Variants in SP100 observed in about 807,000 individuals in gnomAD.
SP100 encodes SP100 nuclear body protein.
In SP100, 84 loss-of-function variants were observed where a neutral mutation model predicts 130.0. The observed-to-expected ratio is 0.65, with a 90% CI of 0.54 to 0.77. The LOEUF (loss-of-function observed/expected upper bound fraction) is 0.77, where lower values mean the gene tolerates loss of function less well. SP100 is among the 30% of genes least tolerant of loss of function. The pLI, the probability that SP100 is intolerant of heterozygous loss-of-function variation, is 0.00. For missense variants in SP100, 978 were observed against 1,052.2 expected (o/e 0.93, Z 0.97); for synonymous variants, 331 against 351.7 (o/e 0.94, Z 0.66).
At chr2:230,485,630 G>T (rs2066043783) in intron 17 of SP100, among the ~76,000 whole-genome samples, 1 of 151,934 alleles carries the variant, frequency 6.6e-6, no homozygotes, top group Non-Finnish European at 1.5e-5. Flanking sequence ...GAATTACATG[G>T]TCCCTGATTT....
chr2:230,499,433 A>C (rs2066880453), intron 19 of SP100, among the ~76,000 whole-genome samples: 2 of 49,506 alleles, frequency 4.0e-5, no homozygotes, highest in Admixed American at 2.9e-4. Flanking sequence ...TTTAACACCT[A>C]AAACTCTTTC....
In SP100 at chr2:230,446,257, C is replaced by G. The variant is rs899371779; in HGVS notation, c.440-562C>G. Among the ~76,000 whole-genome samples the G allele has an allele frequency of 2.0e-5, 3 of 152,240 alleles. No individual in the cohort carries two copies. The East Asian group carries it at 5.8e-4, about 29-fold the overall frequency. ...TTGAGTAGCTGGGACCATAGGTGTG[C>G]AACACCACATCCAGCTAATTTTATT... On this transcript the variant is annotated intron_variant, in intron 4 of 28. Coordinates refer to ENST00000340126, the MANE Select transcript of SP100 (RefSeq NM_001080391.2).
chr2:230,528,612 C>A (rs925412011), intron 24 of SP100, among the ~76,000 whole-genome samples: 4 of 152,166 alleles, frequency 2.6e-5, no homozygotes, highest in East Asian at 3.9e-4. Context: ...ACACAAAAAA[C>A]CCATCAAAAA....
chr2:230,510,881 T>C, intron 23 of SP100: 1 of 550,870 alleles, frequency 1.8e-6, no homozygotes, highest in East Asian at 3.1e-5. Context: ...CCTGAATGGT[T>C]TCACGAAGGC....
At chr2:230,473,495 C>A in intron 16 of SP100, 55 bp downstream of exon 16, 3 of 1,067,264 alleles carry the variant, frequency 2.8e-6, no homozygotes, top group Middle Eastern at 2.0e-4. Flanking sequence ...ATCACAGACA[C>A]TGGGTAGGGA....
Position 230,470,029 on chromosome 2 carries a change from G to A in SP100, c.1360G>A (p.Asp454Asn), listed in dbSNP as rs746952095. Residue 454 changes from aspartate (D) to asparagine (N), a missense_variant, in exon 15 of 29, where the codon GAC (aspartate) becomes AAC (asparagine). Coordinates refer to ENST00000340126, the MANE Select transcript of SP100 (RefSeq NM_001080391.2). Reference protein sequence around the residue: ...PSRKRRFSSSDFSDLSNGEEL... With the variant: ...PSRKRRFSSSNFSDLSNGEEL... Reference sequence around the variant, plus strand: ...TTTTTCTGCAGGTTTCAGCAGTAGTGACTTTTCAGACCTGAGTAATGGAGA... The same window carrying A: ...TTTTTCTGCAGGTTTCAGCAGTAGTAACTTTTCAGACCTGAGTAATGGAGA... 9.9e-6 allele frequency: 16 copies of A among 1,612,388 alleles called. No individual in the cohort carries two copies. The highest frequency in any genetic ancestry group is 1.4e-5 in the Non-Finnish European group (16 of 1,179,220).
intron 17 of SP100, among the ~76,000 whole-genome samples, chr2:230,480,589 G>A (rs1295607983): frequency 6.6e-6 from 1 of 152,182 alleles, no homozygotes; most frequent in Non-Finnish European, 1.5e-5. Context: ...TTGATCAAGG[G>A]TGGATGTCCT....
At chr2:230,458,793 A>G (rs550431192) in intron 8 of SP100, among the ~76,000 whole-genome samples, 3 of 152,322 alleles carry the variant, frequency 2.0e-5, no homozygotes, top group Admixed American at 6.5e-5. Flanking sequence ...TAGAAAGACA[A>G]AAAGTGATAT....
In SP100 at chr2:230,543,250, A is replaced by G; in HGVS notation, c.*304A>G. 5.1e-6 allele frequency: 1 copy of G among 197,584 alleles called. No individual in the cohort carries two copies. The highest frequency in any genetic ancestry group is 1.0e-5 in the Non-Finnish European group (1 of 96,852). The allele number at this position is 197,584 out of a possible 1,614,324, so 12.2% of individuals were successfully genotyped here. ...CATTCCCCTTGAAAACAAGCACAAG[A>G]CAAGGATTCCCTCTCTCACCACTCC... On this transcript the variant is annotated 3_prime_UTR_variant, in exon 29 of 29. Coordinates refer to ENST00000340126, the MANE Select transcript of SP100 (RefSeq NM_001080391.2).
chr2:230,455,456 C>A (rs2064227903), intron 8 of SP100, among the ~76,000 whole-genome samples: 1 of 152,156 alleles, frequency 6.6e-6, no homozygotes, highest in South Asian at 2.1e-4. Context: ...TCTTTCATTT[C>A]CATTTGCATG....
Position 230,506,289 on chromosome 2 carries a change from C to T in SP100, c.1871-14C>T, listed in dbSNP as rs559993695. On this transcript the variant is annotated splice_polypyrimidine_tract_variant and intron_variant, in intron 21 of 28. Transcript: ENST00000340126. Reference sequence around the variant, plus strand: ...TTTCACAGTTGGGGAGCTCACTTTGCCTTGGTCTTACAGGAACCTCAAAGA... The same window carrying T: ...TTTCACAGTTGGGGAGCTCACTTTGTCTTGGTCTTACAGGAACCTCAAAGA... The T allele has an allele frequency of 4.0e-5, 64 of 1,613,054 alleles. No homozygotes were observed. The South Asian group carries it at 6.8e-4, about 17-fold the overall frequency.
At position 230,498,540 on chromosome 2, in the gene SP100, A is replaced by T; in HGVS notation, c.1720+5A>T. 1 of 1,332,428 alleles carries T rather than the reference A, an allele frequency of 7.5e-7. No homozygotes were observed. The highest frequency in any genetic ancestry group is 1.0e-6 in the Non-Finnish European group (1 of 996,712). The allele number at this position is 1,332,428 out of a possible 1,614,324, so 82.5% of individuals were successfully genotyped here. On this transcript the variant is annotated splice_donor_5th_base_variant and intron_variant, in intron 19 of 28. Transcript: ENST00000340126. Reference sequence around the variant, plus strand: ...AGAAAAGATGGCAACAAAGAGGTAAAAAAAAAAAAATACATTTTAAATAAA... The same window carrying T: ...AGAAAAGATGGCAACAAAGAGGTAATAAAAAAAAAATACATTTTAAATAAA...
chr2:230,428,929 T>C (rs530344345), intron 2 of SP100, among the ~76,000 whole-genome samples: 1 of 152,342 alleles, frequency 6.6e-6, no homozygotes, highest in East Asian at 1.9e-4. Context: ...ATAGATATAA[T>C]TATTTTTAAT....
At position 230,543,947 on chromosome 2, in the gene SP100, G is replaced by A. The variant is rs1233497253; in HGVS notation, c.*1001G>A. On this transcript the variant is annotated 3_prime_UTR_variant, in exon 29 of 29. Transcript: ENST00000340126. ...CAGTAACCAAAACAGCATGGTACTGGTACCAAAAAAAAAGCCACATAGACC... is the reference window on the plus strand; with the variant it reads ...CAGTAACCAAAACAGCATGGTACTGATACCAAAAAAAAAGCCACATAGACC... 6.6e-6 allele frequency: 1 copy of A among 151,934 alleles called. No individual in the cohort carries two copies. The highest frequency in any genetic ancestry group is 1.5e-5 in the Non-Finnish European group (1 of 67,990). The allele number at this position is 151,934 out of a possible 1,614,324, so 9.4% of individuals were successfully genotyped here.
chr2:230,438,853 G>A (rs532651211), intron 2 of SP100, among the ~76,000 whole-genome samples: 5 of 151,896 alleles, frequency 3.3e-5, no homozygotes, highest in Non-Finnish European at 7.4e-5. Context: ...TTCATATCAT[G>A]ACTTATTTTC....
intron 19 of SP100, among the ~76,000 whole-genome samples, chr2:230,500,280 T>C (rs1386997304): frequency 6.6e-6 from 1 of 152,154 alleles, no homozygotes; most frequent in East Asian, 1.9e-4. Flanking sequence ...GATATACAAT[T>C]GTAGTGAGGT....
chr2:230,494,770 T>C (rs557306921), intron 18 of SP100, among the ~76,000 whole-genome samples: 106 of 152,134 alleles, frequency 7.0e-4, no homozygotes, highest in African/African-American at 2.5e-3. Context: ...GAAAAAAAAA[T>C]TGACAAAAGA....
chr2:230,497,483 GGAGGGGAGGAGAGGAGAGGAGAGGA>G (rs1559520345), intron 18 of SP100, among the ~76,000 whole-genome samples: 33 of 61,564 alleles, frequency 5.4e-4, no homozygotes, highest in African/African-American at 2.0e-3. Flanking sequence ...GGAGGGGAGG[GGAGGGGAGGAGAGGAGAGGAGAGGA>G]GAGGAGAGGA....
chr2:230,496,107 G>GT (rs1180272843), intron 18 of SP100, among the ~76,000 whole-genome samples: 1 of 152,086 alleles, frequency 6.6e-6, no homozygotes, highest in Non-Finnish European at 1.5e-5. Flanking sequence ...GGTCTAAGAT[G>GT]TTTTTTCCGT....
Sources: allele counts gnomAD v4.1 joint callset (sites outside exome capture counted in the v4.1 genomes callset), GRCh38; gene constraint gnomAD v4.1.1; transcripts MANE v1.5; gene names NCBI Gene and HGNC (gene_info 2026-07-23, HGNC 2026-07-21).